CNTN2: variants seen among roughly 807,000 people sequenced by gnomAD.
CNTN2 encodes the protein contactin-2.
In CNTN2, 53 loss-of-function variants were observed where a neutral mutation model predicts 117.5. The ratio of observed to expected loss-of-function variants is 0.45; its 90% CI spans 0.36 to 0.57. CNTN2 has a LOEUF of 0.57. Among genes scored for constraint, CNTN2 ranks in the 20% least tolerant of loss-of-function variants. The pLI, the probability that CNTN2 is intolerant of heterozygous loss-of-function variation, is 0.00. For synonymous variants in CNTN2, 530 were observed against 561.7 expected, an observed-to-expected ratio of 0.94 and a Z score of 0.80; for missense variants, 1,106 against 1,404.3, an observed-to-expected ratio of 0.79 and a Z score of 3.39.
At chr1:205,062,822 G>GA (rs1364060834) in intron 10 of CNTN2, 4 of 272,356 alleles carry the variant, frequency 1.5e-5, no homozygotes, top group Non-Finnish European at 2.7e-5. Context: ...TGCAGTGAGT[G>GA]AAAAAAACAG....
rs1265349990 is a variant in CNTN2 at position 205,065,659 on chromosome 1, CTG to C, written c.1696-129_1696-128del. On this transcript the variant is annotated intron_variant, in intron 13 of 22. Transcript: ENST00000331830. This position sits in a 1 kb window ranked among gnomAD's most constrained non-coding sequence, Gnocchi z 4.1. ...TCCTCCCATTGAGCAGACAGGAAAA[CTG>C]AGATCCAGTGGGGTCCATGGATGTC... The C allele has an allele frequency of 5.0e-5, 57 of 1,149,104 alleles. No individual in the cohort carries two copies. Among genetic ancestry groups the C allele is most frequent in the Non-Finnish European group, 6.4e-5 (52 of 812,206 alleles). The allele number at this position is 1,149,104 out of a possible 1,614,324, so 71.2% of individuals were successfully genotyped here. A position where few individuals can be genotyped will look rare whatever the true frequency, so the allele number is the denominator to read the frequency against.
intron 1 of CNTN2, among the ~76,000 whole-genome samples, chr1:205,051,792 T>C (rs907136599): frequency 6.6e-6 from 1 of 151,910 alleles, no homozygotes; most frequent in Non-Finnish European, 1.5e-5. Flanking sequence ...GTTGAAAGGG[T>C]TTGGGAGCTC....
In CNTN2 at chr1:205,058,759, A is replaced by G; in HGVS notation, c.487+96A>G. On this transcript the variant is annotated intron_variant, in intron 5 of 22. Transcript: ENST00000331830. This position sits in a 1 kb window ranked among gnomAD's most constrained non-coding sequence, Gnocchi z 4.3. The stretch of plus-strand genomic sequence containing the variant: ...ATGGAATAAAAGGAGACCCCTGGAA[A>G]TGACCCTTAGAAGCACCCATCCCTG... The G allele has an allele frequency of 1.0e-6, 1 of 971,124 alleles. No homozygotes were observed. 60.2% of individuals were successfully genotyped at this position (971,124 alleles called of 1,614,324 possible).
At chr1:205,067,284 C>T in intron 16 of CNTN2, 34 bp downstream of exon 16, 1 of 1,598,128 alleles carries the variant, frequency 6.3e-7, no homozygotes, top group South Asian at 1.1e-5. Context: ...AAGCTATCAT[C>T]AGGGCAGAGA....
At chr1:205,055,142 T>C (rs2096458976) in intron 2 of CNTN2, among the ~76,000 whole-genome samples, 1 of 151,950 alleles carries the variant, frequency 6.6e-6, no homozygotes, top group South Asian at 2.1e-4. Flanking sequence ...ACCTCCCGAG[T>C]AGCTGGGATT....
intron 17 of CNTN2, 70 bp from the exon 18 acceptor site, chr1:205,069,757 G>T: frequency 6.5e-7 from 1 of 1,536,664 alleles, no homozygotes. Context: ...GGCAAAGGTT[G>T]GGTGGGGCCA....
chr1:205,059,354 A>G lies in CNTN2; in HGVS notation c.697+61A>G. The G allele has an allele frequency of 1.3e-6, 2 of 1,513,686 alleles. No homozygotes were observed. Among genetic ancestry groups the G allele is most frequent in the Non-Finnish European group, 1.8e-6 (2 of 1,104,338 alleles). The allele number at this position is 1,513,686 out of a possible 1,614,324, so 93.8% of individuals were successfully genotyped here. ...CTGGAAGGGTCAGCGGGCATTAGGA[A>G]AAGGGTTTTTCCTTTGGAGATTGGA... On this transcript the variant is annotated intron_variant, in intron 6 of 22. Transcript: ENST00000331830. This position sits in a 1 kb window ranked among gnomAD's most constrained non-coding sequence, Gnocchi z 5.6.
rs997522090 is a variant in CNTN2 at position 205,061,714 on chromosome 1, G to A, written c.974-151G>A. On this transcript the variant is annotated intron_variant, in intron 8 of 22. Transcript: ENST00000331830. This position sits in a 1 kb window ranked among gnomAD's most constrained non-coding sequence, Gnocchi z 4.8. ...CAGCTTTCTTGTGCCTCCTTCTTCC[G>A]GCCCCCTCCTCTTTGTCCTCTCCAT... 11 of 1,068,216 alleles carry A rather than the reference G, an allele frequency of 1.0e-5. No individual in the cohort carries two copies. Among genetic ancestry groups the A allele is most frequent in the East Asian group, 7.8e-5 (3 of 38,474 alleles). 66.2% of individuals were successfully genotyped at this position (1,068,216 alleles called of 1,614,324 possible).
rs749400715 is a variant in CNTN2 at position 205,057,915 on chromosome 1, C to A, written c.71-6C>A. The A allele has an allele frequency of 6.2e-7, 1 of 1,613,064 alleles. No individual in the cohort carries two copies. The highest frequency in any genetic ancestry group is 8.5e-7 in the Non-Finnish European group (1 of 1,179,296). ...CTGAGGCATCTGGTGGTGTCATCAC[C>A]TGCAGCTTGGAGTTCAGCCCTGGGA... On this transcript the variant is annotated splice_region_variant and splice_polypyrimidine_tract_variant and intron_variant, in intron 2 of 22. Transcript: ENST00000331830.
In CNTN2 at chr1:205,045,864, G is replaced by A. The variant is rs74139112; in HGVS notation, c.-87+2470G>A. On this transcript the variant is annotated intron_variant, in intron 1 of 22. Coordinates refer to ENST00000331830, the MANE Select transcript of CNTN2 (RefSeq NM_005076.5). Reference sequence around the variant, plus strand: ...GGATGGTGTGGAGAACTGGGGTCTGGTCCAAGGTTAGAGAGTCCTGCCTAG... The same window carrying A: ...GGATGGTGTGGAGAACTGGGGTCTGATCCAAGGTTAGAGAGTCCTGCCTAG... Among the ~76,000 whole-genome samples, 608 of 152,270 alleles carry A rather than the reference G, an allele frequency of 4.0e-3. 6 individuals carry two copies. Among genetic ancestry groups the A allele is most frequent in the African/African-American group, 0.013 (556 of 41,532 alleles).
At chr1:205,063,970 T>C (rs1041434968) in intron 10 of CNTN2, among the ~76,000 whole-genome samples, 7 of 151,842 alleles carry the variant, frequency 4.6e-5, no homozygotes, top group Non-Finnish European at 1.0e-4. Context: ...CAAGATGCGA[T>C]TGGAAAGGTG....
At chr1:205,062,640 G>C (rs1473771537) in intron 10 of CNTN2, 71 bp downstream of exon 10, 16 of 1,542,978 alleles carry the variant, frequency 1.0e-5, no homozygotes, top group Non-Finnish European at 1.3e-5. Context: ...TCTGAGTTTA[G>C]GTGTTTCCAA....
rs888031034 is a variant in CNTN2 at position 205,061,630 on chromosome 1, C to T, written c.973+210C>T. 2 of 755,596 alleles carry T rather than the reference C, an allele frequency of 2.6e-6. No individual in the cohort carries two copies. Among genetic ancestry groups the T allele is most frequent in the Non-Finnish European group, 4.1e-6 (2 of 489,586 alleles). 46.8% of individuals were successfully genotyped at this position (755,596 alleles called of 1,614,324 possible). A position where few individuals can be genotyped will look rare whatever the true frequency, so the allele number is the denominator to read the frequency against. On this transcript the variant is annotated intron_variant, in intron 8 of 22. Transcript: ENST00000331830. The surrounding 1 kb of genome is among the most constrained non-coding windows in gnomAD (Gnocchi z 4.8). ...TTCAGTCAGGGGTGCAGAAAGCACA[C>T]AGGAGGCTCCAGAATGATTTAAGTT...
chr1:205,064,407 C>T lies in CNTN2; in HGVS notation c.1326C>T (p.Pro442=). 1 of 1,613,098 alleles carries T rather than the reference C, an allele frequency of 6.2e-7. No individual in the cohort carries two copies. The highest frequency in any genetic ancestry group is 8.5e-7 in the Non-Finnish European group (1 of 1,179,148). ...GAGAGATCCTTATCCCCTGCCAGCC[C>T]CGGGCAGCTCCAAAGGCCGTGGTGC... ...RGGEILIPCQ[P]RAAPKAVVLW... The change falls in exon 11 of 23, where the codon CCC becomes CCT. Residue 442 remains proline, a synonymous_variant. Transcript: ENST00000331830.
Position 205,070,527 on chromosome 1 carries a change from C to A in CNTN2, c.2533C>A (p.Leu845Met). ...GCAGCAGGACATGAATGGTATCCTC[C>A]TGGGGTATGAGGTGAGCACCAACCT... Reference protein sequence around the residue: ...PVQQDMNGILLGYEIRYWKAG... With the variant: ...PVQQDMNGILMGYEIRYWKAG... Residue 845 changes from leucine to methionine, a missense_variant, in exon 19 of 23, where the codon CTG (leucine) becomes ATG (methionine). Physicochemically the swap from Leu to Met is conservative, Grantham distance 15. Transcript: ENST00000331830. 1 of 1,613,266 alleles carries A rather than the reference C, an allele frequency of 6.2e-7. No homozygotes were observed. Among genetic ancestry groups the A allele is most frequent in the South Asian group, 1.1e-5 (1 of 90,934 alleles).
chr1:205,060,885 G>A (rs1210418483), intron 7 of CNTN2: 15 of 227,382 alleles, frequency 6.6e-5, no homozygotes, highest in East Asian at 1.9e-4. Context: ...AAGAGAACCC[G>A]TAAAGACCCA....
rs1329613111 is a variant in CNTN2 at position 205,061,212 on chromosome 1, GCCCACAC to G, written c.798-30_798-24del. 2 of 1,581,510 alleles carry G rather than the reference GCCCACAC, an allele frequency of 1.3e-6. No homozygotes were observed. Among genetic ancestry groups the G allele is most frequent in the Non-Finnish European group, 1.7e-6 (2 of 1,159,812 alleles). ...GCACTGGAGGGGTAGGCCCAGCTCA[GCCCACAC>G]CCTCTGGCTTTGTCTCTCCTGCCAG... is the stretch of plus-strand genomic sequence containing the variant. On this transcript the variant is annotated intron_variant, in intron 7 of 22. Coordinates refer to ENST00000331830, the MANE Select transcript of CNTN2 (RefSeq NM_005076.5). This position sits in a 1 kb window ranked among gnomAD's most constrained non-coding sequence, Gnocchi z 4.8.
At chr1:205,071,857 T>A (rs1654608775) in intron 19 of CNTN2, 90 bp from the exon 20 acceptor site, 2 of 1,270,338 alleles carry the variant, frequency 1.6e-6, no homozygotes, top group African/African-American at 3.0e-5. Flanking sequence ...GGGACCAGGA[T>A]GAGCAAGAGA....
At chr1:205,056,470 G>C (rs1244777092) in intron 2 of CNTN2, among the ~76,000 whole-genome samples, 1 of 152,234 alleles carries the variant, frequency 6.6e-6, no homozygotes, top group Non-Finnish European at 1.5e-5. Flanking sequence ...ATTCCTGGGA[G>C]CCCTGCCTCC....
Sources: allele counts gnomAD v4.1 joint callset (sites outside exome capture counted in the v4.1 genomes callset), GRCh38; gene constraint gnomAD v4.1.1; non-coding constraint Gnocchi (gnomAD v3.1); transcripts MANE v1.5; gene names NCBI Gene and HGNC (gene_info 2026-07-23, HGNC 2026-07-21).